Variants in ATAD3B observed in about 807,000 individuals in gnomAD.
ATAD3B encodes ATPase family AAA domain-containing protein 3B.
ATAD3B carries 59 observed loss-of-function variants against 70.2 expected under a neutral mutation model. That is an observed-to-expected ratio of 0.84 (90% CI 0.68 to 1.04). The LOEUF is 1.04. Ranked by LOEUF, ATAD3B falls within the 50% of genes least tolerant of loss-of-function variation. The pLI is 0.00. For missense variants in ATAD3B, 961 were observed against 913.4 expected, an observed-to-expected ratio of 1.05 and a Z score of -0.67; for synonymous variants, 423 against 388.6, an observed-to-expected ratio of 1.09 and a Z score of -1.04.
intron 11 of ATAD3B, 104 bp from the exon 12 acceptor site, chr1:1,487,759 C>A: frequency 7.1e-7 from 1 of 1,406,606 alleles, no homozygotes; most frequent in Non-Finnish European, 1.0e-6. Flanking sequence ...GAGCCTGACC[C>A]CGTGGGGATC....
chr1:1,503,893 C>T, the ATAD3B span, among the ~76,000 whole-genome samples: 1 of 151,750 alleles, frequency 6.6e-6, no homozygotes, highest in Non-Finnish European at 1.5e-5. Flanking sequence ...GTCTGGTTGT[C>T]CGGAGGATGG....
chr1:1,500,344 A>C (rs1454033287), downstream of ATAD3B, among the ~76,000 whole-genome samples: 109 of 145,024 alleles, frequency 7.5e-4, no homozygotes, highest in East Asian at 3.9e-3. Flanking sequence ...CGAGGTCAGG[A>C]GATGGAGACC....
At chr1:1,473,065 C>T (rs527929320) in intron 1 of ATAD3B, among the ~76,000 whole-genome samples, 14 of 149,678 alleles carry the variant, frequency 9.4e-5, no homozygotes, top group Non-Finnish European at 1.9e-4. Context: ...CCTCGTGATC[C>T]GCCCGCCTTG....
rs1471447099 is a variant in ATAD3B at position 1,496,063 on chromosome 1, G to A, written c.*246G>A. The A allele has an allele frequency of 2.1e-5, 27 of 1,264,578 alleles. No individual in the cohort carries two copies. Among genetic ancestry groups the A allele is most frequent in the East Asian group, 6.2e-5 (2 of 32,470 alleles). 78.3% of individuals were successfully genotyped at this position (1,264,578 alleles called of 1,614,324 possible). ...TGCCAGGACTAGACAGAAGTGGGGC[G>A]GCCTGAACCCTGCTTCCAGCCATGG... On this transcript the variant is annotated 3_prime_UTR_variant, in exon 16 of 16. Transcript: ENST00000673477.
chr1:1,502,890 A>G, the ATAD3B span, among the ~76,000 whole-genome samples: 1 of 151,726 alleles, frequency 6.6e-6, no homozygotes, highest in African/African-American at 2.4e-5. Flanking sequence ...TTTGCTATTA[A>G]TAAGACTTCA....
rs373500848 is a variant in ATAD3B, at chr1:1,477,341, C to T, written c.273C>T (p.Ser91=). ...AGACGCTGCAGTTGGAGCAACAGTC[C>T]AAGCTCAAAGTGAGTGGGGCCGGTG... The part of the protein sequence containing the change: ...QEQTLQLEQQ[S]KLKEYEAAVE... The change falls in exon 2 of 16, where the codon TCC becomes TCT. Residue 91 remains serine, a synonymous_variant. Coordinates refer to ENST00000673477, the MANE Select transcript of ATAD3B (RefSeq NM_031921.6). The T allele has an allele frequency of 2.5e-6, 4 of 1,612,036 alleles. No individual in the cohort carries two copies. In the African/African-American group the frequency reaches 4.0e-5, roughly 16 times the overall value.
chr1:1,505,856 C>T, the ATAD3B span, among the ~76,000 whole-genome samples: 6 of 152,192 alleles, frequency 3.9e-5, no homozygotes, highest in African/African-American at 9.7e-5. Flanking sequence ...TATCTAAGAT[C>T]TATATCTGGT....
intron 12 of ATAD3B, 139 bp downstream of exon 12, chr1:1,488,053 C>G (rs1272163805): frequency 3.2e-6 from 4 of 1,234,610 alleles, no homozygotes; most frequent in Admixed American, 1.8e-5. Flanking sequence ...CTCCTGGGTT[C>G]AAGCTGCTCT....
chr1:1,474,159 G>A (rs1639473690), intron 1 of ATAD3B, among the ~76,000 whole-genome samples: 1 of 151,748 alleles, frequency 6.6e-6, no homozygotes, highest in South Asian at 2.1e-4. Context: ...AGAGGGGACT[G>A]CAGGCTTGCT....
chr1:1,480,060 C>T (rs1335956581), intron 4 of ATAD3B, among the ~76,000 whole-genome samples: 3 of 146,170 alleles, frequency 2.1e-5, no homozygotes, highest in East Asian at 2.1e-4. Flanking sequence ...CAGACGGGCA[C>T]GCACACAGTC....
chr1:1,489,589 C>T lies in ATAD3B; in HGVS notation c.1337+315C>T, dbSNP rs1270331745. 38 of 1,159,130 alleles carry T rather than the reference C, an allele frequency of 3.3e-5. 1 individual carries two copies. The highest frequency in any genetic ancestry group is 2.9e-4 in the South Asian group (21 of 72,926). 71.8% of individuals were successfully genotyped at this position (1,159,130 alleles called of 1,614,324 possible). ...GCAAGGGAGGTGGTCTGATTGCTGC[C>T]GCCCAGAGGTCCCCAGTAGGGTGAC... On this transcript the variant is annotated intron_variant, in intron 13 of 15. Coordinates refer to ENST00000673477, the MANE Select transcript of ATAD3B (RefSeq NM_031921.6).
the ATAD3B span, chr1:1,503,578 C>G: frequency 6.2e-7 from 1 of 1,609,810 alleles, no homozygotes; most frequent in Non-Finnish European, 8.5e-7. Context: ...GCCCCTGTGC[C>G]TGCAGGCCAC....
chr1:1,505,407 G>A, the ATAD3B span, among the ~76,000 whole-genome samples: 2 of 152,314 alleles, frequency 1.3e-5, no homozygotes, highest in East Asian at 1.9e-4. Flanking sequence ...GAGTGTGACC[G>A]CTGAAGCACA....
chr1:1,481,051 G>C, intron 5 of ATAD3B, 115 bp downstream of exon 5: 1 of 1,506,382 alleles, frequency 6.6e-7, no homozygotes, highest in Non-Finnish European at 8.8e-7. Flanking sequence ...CAGTGCAGTG[G>C]GCGAGGCCTG....
chr1:1,476,235 A>G (rs1465596321), intron 1 of ATAD3B, among the ~76,000 whole-genome samples: 4 of 148,074 alleles, frequency 2.7e-5, no homozygotes, highest in African/African-American at 1.0e-4. Flanking sequence ...GCCTAACCAC[A>G]GGCCCAAGCA....
chr1:1,484,696 G>C (rs1640105629), intron 7 of ATAD3B: 1 of 418,420 alleles, frequency 2.4e-6, no homozygotes, highest in East Asian at 4.5e-5. Context: ...AGTGGCCAAG[G>C]ATGTACCAGA....
intron 15 of ATAD3B, 84 bp downstream of exon 15, chr1:1,490,755 C>T (rs575170164): frequency 3.6e-5 from 55 of 1,522,238 alleles, no homozygotes; most frequent in Middle Eastern, 1.8e-4. Context: ...GTCCCAGCAC[C>T]GGTGTCATGT....
At chr1:1,486,484 G>A in intron 10 of ATAD3B, 60 bp from the exon 11 acceptor site, 1 of 1,610,898 alleles carries the variant, frequency 6.2e-7, no homozygotes, top group Non-Finnish European at 8.5e-7. Flanking sequence ...GGTGGAGTGT[G>A]CAGGCTTTGC....
intron 4 of ATAD3B, 90 bp from the exon 5 acceptor site, chr1:1,480,777 G>C: frequency 6.4e-7 from 1 of 1,570,600 alleles, no homozygotes; most frequent in Non-Finnish European, 8.6e-7. Flanking sequence ...TTGGAGTTCT[G>C]TGGTCCTGGG....
Sources: allele counts gnomAD v4.1 joint callset (sites outside exome capture counted in the v4.1 genomes callset), GRCh38; gene constraint gnomAD v4.1.1; transcripts MANE v1.5; gene names NCBI Gene and HGNC (gene_info 2026-07-23, HGNC 2026-07-21).